Variants in SGPL1 observed in about 807,000 individuals in gnomAD.
The protein encoded by SGPL1 is sphingosine-1-phosphate lyase 1, also known as SP-lyase 1.
A neutral mutation model predicts 68.9 loss-of-function variants in SGPL1; 37 were observed. The ratio of observed to expected loss-of-function variants is 0.54; its 90% CI spans 0.41 to 0.71. SGPL1 has a LOEUF of 0.71. SGPL1 is among the 30% of genes least tolerant of loss of function. The probability of loss-of-function intolerance (pLI) is 0.00; values close to 1 mark genes in which losing one functional copy is unlikely to be tolerated. For synonymous variants in SGPL1, 236 were observed against 248.5 expected, an observed-to-expected ratio of 0.95 and a Z score of 0.47; for missense variants, 551 against 704.6, an observed-to-expected ratio of 0.78 and a Z score of 2.47.
At chr10:70,821,577 T>C (rs1845338634) in intron 2 of SGPL1, among the ~76,000 whole-genome samples, 1 of 152,210 alleles carries the variant, frequency 6.6e-6, no homozygotes, top group East Asian at 1.9e-4. Context: ...CCTAGAGACA[T>C]TTTGGGTTGT....
chr10:70,822,071 G>C (rs937369061), intron 2 of SGPL1, among the ~76,000 whole-genome samples: 1 of 152,134 alleles, frequency 6.6e-6, no homozygotes, highest in Non-Finnish European at 1.5e-5. Flanking sequence ...CTCTTTTTCA[G>C]GGATGCTTTC....
chr10:70,820,740 A>C (rs1048224744), intron 2 of SGPL1, among the ~76,000 whole-genome samples: 2 of 151,290 alleles, frequency 1.3e-5, no homozygotes, highest in Non-Finnish European at 2.9e-5. Flanking sequence ...GCACCATTAC[A>C]CTCCAGCCTG....
chr10:70,870,317 G>A (rs1846268365), intron 9 of SGPL1, among the ~76,000 whole-genome samples: 1 of 151,864 alleles, frequency 6.6e-6, no homozygotes, highest in Admixed American at 6.6e-5. Context: ...ACCAGTCTGA[G>A]CAACATAGTG....
At chr10:70,869,926 G>C (rs75121822) in intron 9 of SGPL1, 29 bp downstream of exon 9, 4 of 1,576,530 alleles carry the variant, frequency 2.5e-6, no homozygotes, top group Non-Finnish European at 3.5e-6. Flanking sequence ...CCCACTGTCT[G>C]TGCTGGGCCC....
chr10:70,861,967 G>A (rs1339239629), intron 7 of SGPL1, among the ~76,000 whole-genome samples: 2 of 152,232 alleles, frequency 1.3e-5, no homozygotes, highest in Non-Finnish European at 2.9e-5. Context: ...TCCTTGACGA[G>A]CGCCACTCCC....
chr10:70,856,393 C>T (rs1473749242), intron 5 of SGPL1, among the ~76,000 whole-genome samples: 3 of 152,182 alleles, frequency 2.0e-5, no homozygotes, highest in South Asian at 2.1e-4. Flanking sequence ...ATGAATAAAG[C>T]AGTGGTTAGC....
chr10:70,833,208 G>C (rs1845572904), intron 2 of SGPL1, among the ~76,000 whole-genome samples: 1 of 152,200 alleles, frequency 6.6e-6, no homozygotes, highest in South Asian at 2.1e-4. Context: ...CCCATGCTAA[G>C]TGTATAGCAG....
At chr10:70,835,029 CTG>C (rs1845602099) in intron 2 of SGPL1, among the ~76,000 whole-genome samples, 1 of 152,150 alleles carries the variant, frequency 6.6e-6, no homozygotes, top group Non-Finnish European at 1.5e-5. Flanking sequence ...CCATTCTCCT[CTG>C]CAGATTCAAC....
chr10:70,835,735 C>CAAAAAAAAAAAAAAAAAAAAAAAAAAAA (rs66962270), intron 2 of SGPL1, among the ~76,000 whole-genome samples: 2 of 70,130 alleles, frequency 2.9e-5, no homozygotes, highest in African/African-American at 1.2e-4. Flanking sequence ...GACTCCGTCT[C>CAAAAAAAAAAAAAAAAAAAAAAAAAAAA]AAAAAAAAAA....
chr10:70,861,232 A>G (rs1028463793), intron 7 of SGPL1, among the ~76,000 whole-genome samples: 8 of 152,050 alleles, frequency 5.3e-5, no homozygotes, highest in Non-Finnish European at 1.0e-4. Context: ...CAGTCCAGAG[A>G]GACAAAGAAA....
intron 6 of SGPL1, among the ~76,000 whole-genome samples, chr10:70,858,224 C>T (rs1037859917): frequency 2.6e-5 from 4 of 152,136 alleles, no homozygotes; most frequent in Non-Finnish European, 2.9e-5. Context: ...CAGCCTTGAC[C>T]TCTTTGGCTC....
chr10:70,816,824 G>C lies in SGPL1; in HGVS notation c.-30G>C, dbSNP rs756075323. On this transcript the variant is annotated 5_prime_UTR_variant, in exon 2 of 15. Coordinates refer to ENST00000373202, the MANE Select transcript of SGPL1 (RefSeq NM_003901.4). ...TCCCTTTTACAGAGTCTGAAAAAGG[G>C]GAGCGCGGAGAGGAGGCTGGAAGAG... 1.2e-6 allele frequency: 2 copies of C among 1,613,138 alleles called. No homozygotes were observed. The highest frequency in any genetic ancestry group is 1.7e-6 in the Non-Finnish European group (2 of 1,179,096).
intron 5 of SGPL1, among the ~76,000 whole-genome samples, chr10:70,855,369 A>T (rs1198882512): frequency 1.3e-5 from 2 of 152,240 alleles, no homozygotes; most frequent in Non-Finnish European, 2.9e-5. Flanking sequence ...ATACACATGT[A>T]TGCATGAGCA....
intron 5 of SGPL1, 195 bp from the exon 6 acceptor site, chr10:70,857,419 T>C: frequency 2.0e-6 from 1 of 510,694 alleles, no homozygotes; most frequent in Middle Eastern, 5.5e-4. Flanking sequence ...CTGATAATAA[T>C]GATTTTTCAT....
At chr10:70,860,293 A>G in intron 7 of SGPL1, 1 of 444,936 alleles carries the variant, frequency 2.2e-6, no homozygotes, top group Non-Finnish European at 4.6e-6. Context: ...TAATCCTATC[A>G]GATACTCATC....
intron 3 of SGPL1, among the ~76,000 whole-genome samples, chr10:70,849,989 G>A (rs1326786680): frequency 6.6e-6 from 1 of 152,154 alleles, no homozygotes; most frequent in Admixed American, 6.5e-5. Context: ...GGTATATAAT[G>A]CCTTCTGTGC....
In SGPL1 at chr10:70,879,787, T is replaced by C. The variant is rs1363652229; in HGVS notation, c.*2452T>C. 1 of 152,594 alleles carries C rather than the reference T, an allele frequency of 6.6e-6. No homozygotes were observed. The highest frequency in any genetic ancestry group is 1.5e-5 in the Non-Finnish European group (1 of 68,030). The allele number at this position is 152,594 out of a possible 1,614,324, so 9.5% of individuals were successfully genotyped here. A position where few individuals can be genotyped will look rare whatever the true frequency, so the allele number is the denominator to read the frequency against. ...CTTAACACTTTTGTAGGCTTTTCAT[T>C]GTGTATTTTTGTGTATGTGTGCATA... On this transcript the variant is annotated 3_prime_UTR_variant, in exon 15 of 15. Transcript: ENST00000373202.
intron 7 of SGPL1, among the ~76,000 whole-genome samples, chr10:70,861,071 G>A (rs1476529279): frequency 5.4e-5 from 8 of 148,560 alleles, no homozygotes; most frequent in Non-Finnish European, 8.9e-5. Flanking sequence ...TCCAGGTTCA[G>A]GTTCACTTTG....
At chr10:70,864,881 T>G (rs1365204658) in intron 7 of SGPL1, among the ~76,000 whole-genome samples, 1 of 152,230 alleles carries the variant, frequency 6.6e-6, no homozygotes, top group Admixed American at 6.5e-5. Context: ...TATTCTGAGA[T>G]TCTCTTCAAA....
Sources: gnomAD v4.1 joint callset for allele counts (sites outside exome capture counted in the v4.1 genomes callset) on GRCh38, gnomAD v4.1.1 for gene constraint, MANE v1.5 for transcripts, NCBI Gene and HGNC (gene_info 2026-07-23, HGNC 2026-07-21) for gene names.